Variants in GALNT17 observed in about 807,000 individuals in gnomAD.
The protein encoded by GALNT17 is UDP-GalNAc:polypeptide N-acetylgalactosaminyltransferase-like 3.
Under a neutral mutation model 63.7 loss-of-function variants are expected in GALNT17, and 29 were observed. The observed-to-expected ratio is 0.46, with a 90% CI of 0.34 to 0.62. GALNT17 has a LOEUF of 0.62. Among genes scored for constraint, GALNT17 ranks in the 20% least tolerant of loss-of-function variants. The probability of loss-of-function intolerance (pLI) is 0.01; values close to 1 mark genes in which losing one functional copy is unlikely to be tolerated. For synonymous variants in GALNT17, 305 were observed against 318.3 expected (o/e 0.96, Z 0.45); for missense variants, 603 against 799.6 (o/e 0.75, Z 2.97).
At chr7:71,684,008 C>CA (rs5741642) in intron 9 of GALNT17, among the ~76,000 whole-genome samples, 37,297 of 121,150 alleles carry the variant, frequency 0.31, 6,979 homozygotes, top group Non-Finnish European at 0.43. Context: ...CACTCTGTCT[C>CA]AAAAAAAAAA....
At chr7:71,267,318 C>G (rs942665452) in intron 1 of GALNT17, among the ~76,000 whole-genome samples, 1 of 151,804 alleles carries the variant, frequency 6.6e-6, no homozygotes, top group Non-Finnish European at 1.5e-5. Context: ...TGGAATGAGC[C>G]TTGGGGTTGA....
At chr7:71,353,392 T>C (rs921630062) in intron 2 of GALNT17, among the ~76,000 whole-genome samples, 1 of 152,200 alleles carries the variant, frequency 6.6e-6, no homozygotes, top group Admixed American at 6.5e-5. Flanking sequence ...AATATGATAG[T>C]ATTGCCTATC....
intron 1 of GALNT17, among the ~76,000 whole-genome samples, chr7:71,327,370 T>A (rs988078197): frequency 6.6e-6 from 1 of 152,146 alleles, no homozygotes; most frequent in Admixed American, 6.5e-5. Context: ...TGAGAGCCAA[T>A]TGAAAGGGGA....
intron 5 of GALNT17, among the ~76,000 whole-genome samples, chr7:71,465,303 C>T (rs1396589910): frequency 3.3e-5 from 5 of 152,100 alleles, no homozygotes; most frequent in Non-Finnish European, 7.4e-5. Context: ...AAATTCCTTC[C>T]CTAGTTAGCT....
intron 1 of GALNT17, among the ~76,000 whole-genome samples, chr7:71,264,251 T>C (rs964761414): frequency 2.0e-5 from 3 of 152,180 alleles, no homozygotes; most frequent in African/African-American, 7.2e-5. Flanking sequence ...TTCTTTATCA[T>C]AGGCCCTCTT....
intron 2 of GALNT17, among the ~76,000 whole-genome samples, chr7:71,387,329 G>A (rs1454784980): frequency 1.3e-5 from 2 of 150,740 alleles, no homozygotes; most frequent in Non-Finnish European, 3.0e-5. Context: ...TTCTTTTTTT[G>A]GGGGGCGGGG....
chr7:71,329,130 G>C (rs1791757320), intron 1 of GALNT17, among the ~76,000 whole-genome samples: 1 of 152,162 alleles, frequency 6.6e-6, no homozygotes, highest in East Asian at 1.9e-4. Context: ...GATTAAGTTA[G>C]AGGAAGAATC....
At chr7:71,421,769 G>T (rs900499685) in intron 5 of GALNT17, among the ~76,000 whole-genome samples, 2 of 152,076 alleles carry the variant, frequency 1.3e-5, no homozygotes, top group African/African-American at 2.4e-5. Flanking sequence ...GGCCAACATG[G>T]CGAAACCCCT....
chr7:71,395,774 T>A (rs955132713), intron 3 of GALNT17, among the ~76,000 whole-genome samples: 1 of 152,208 alleles, frequency 6.6e-6, no homozygotes, highest in African/African-American at 2.4e-5. Flanking sequence ...GTTACTTTTT[T>A]AAAATTATGG....
intron 2 of GALNT17, among the ~76,000 whole-genome samples, chr7:71,339,059 G>T (rs997117263): frequency 6.6e-6 from 1 of 152,076 alleles, no homozygotes; most frequent in Non-Finnish European, 1.5e-5. Flanking sequence ...TTTCTTATTA[G>T]GACATTGGCA....
intron 5 of GALNT17, among the ~76,000 whole-genome samples, chr7:71,569,613 G>T (rs1376082342): frequency 6.6e-6 from 1 of 152,190 alleles, no homozygotes; most frequent in African/African-American, 2.4e-5. Flanking sequence ...TTGGGTTGAT[G>T]CTGATGCAGT....
chr7:71,197,863 T>C (rs1164116523), intron 1 of GALNT17, among the ~76,000 whole-genome samples: 1 of 152,154 alleles, frequency 6.6e-6, no homozygotes, highest in African/African-American at 2.4e-5. Context: ...TGGATGATTA[T>C]GTTGCTTTCA....
chr7:71,640,891 C>T (rs2117006522), intron 6 of GALNT17, among the ~76,000 whole-genome samples: 1 of 152,008 alleles, frequency 6.6e-6, no homozygotes, highest in South Asian at 2.1e-4. Context: ...AGAAGGGATC[C>T]ACAGTTTTCA....
At chr7:71,497,409 C>T (rs12112003) in intron 5 of GALNT17, among the ~76,000 whole-genome samples, 24,237 of 152,138 alleles carry the variant, frequency 0.16, 2,687 homozygotes, top group African/African-American at 0.31. Context: ...AGGCTGTCTT[C>T]TCTCTGGGGC....
At chr7:71,486,868 A>C (rs896344985) in intron 5 of GALNT17, among the ~76,000 whole-genome samples, 2 of 151,940 alleles carry the variant, frequency 1.3e-5, no homozygotes, top group African/African-American at 4.8e-5. Flanking sequence ...GTCCAAAAAA[A>C]AAAAACAAAA....
chr7:71,133,351 A>G (rs1183296265), intron 1 of GALNT17, among the ~76,000 whole-genome samples: 1 of 152,154 alleles, frequency 6.6e-6, no homozygotes, highest in African/African-American at 2.4e-5. Context: ...CCGAGCGCAG[A>G]AACTAGTGGA....
chr7:71,364,768 A>T (rs1792470541), intron 2 of GALNT17, among the ~76,000 whole-genome samples: 1 of 152,118 alleles, frequency 6.6e-6, no homozygotes, highest in African/African-American at 2.4e-5. Context: ...CTGCTGGCTG[A>T]GTGGAGAGCA....
chr7:71,321,592 A>G (rs1791605940), intron 1 of GALNT17, among the ~76,000 whole-genome samples: 1 of 151,938 alleles, frequency 6.6e-6, no homozygotes. Context: ...TCGTGCTTCA[A>G]TTTTCTCCCC....
chr7:71,651,220 C>CAAAAAA (rs71089971), intron 6 of GALNT17, among the ~76,000 whole-genome samples: 2 of 67,580 alleles, frequency 3.0e-5, no homozygotes, highest in Non-Finnish European at 5.0e-5. Context: ...GATGGGAGCA[C>CAAAAAA]AAAAAAAAAA....
Sources: allele counts gnomAD v4.1 joint callset (sites outside exome capture counted in the v4.1 genomes callset), GRCh38; gene constraint gnomAD v4.1.1; transcripts MANE v1.5; gene names NCBI Gene and HGNC (gene_info 2026-07-23, HGNC 2026-07-21).